DPP10: variants seen among roughly 807,000 people sequenced by gnomAD.
The protein encoded by DPP10 is inactive dipeptidyl peptidase 10.
A neutral mutation model predicts 120.9 loss-of-function variants in DPP10; 33 were observed. The observed-to-expected ratio is 0.27, with a 90% CI of 0.21 to 0.37. DPP10 has a LOEUF of 0.37. Ranked by LOEUF, DPP10 falls within the 10% of genes least tolerant of loss-of-function variation. The probability of loss-of-function intolerance (pLI) is 1.00; values close to 1 mark genes in which losing one functional copy is unlikely to be tolerated. For synonymous variants in DPP10, 337 were observed against 326.1 expected, an observed-to-expected ratio of 1.03 and a Z score of -0.36; for missense variants, 816 against 942.8, an observed-to-expected ratio of 0.87 and a Z score of 1.76.
intron 1 of DPP10, among the ~76,000 whole-genome samples, chr2:114,691,543 C>T (rs1440196508): frequency 1.3e-5 from 2 of 152,098 alleles, no homozygotes; most frequent in African/African-American, 4.8e-5. Context: ...GGTTGTGTCT[C>T]TGCCAGGTTT....
At chr2:114,848,306 A>G (rs1188914609) in intron 1 of DPP10, among the ~76,000 whole-genome samples, 2 of 152,186 alleles carry the variant, frequency 1.3e-5, no homozygotes, top group Non-Finnish European at 2.9e-5. Context: ...AAAGCTAAGA[A>G]TATAATATAG....
At chr2:115,790,254 T>G (rs898062712) in intron 17 of DPP10, among the ~76,000 whole-genome samples, 2 of 151,404 alleles carry the variant, frequency 1.3e-5, no homozygotes, top group Non-Finnish European at 2.9e-5. Context: ...TAATTTTTTG[T>G]ATTTTTAGTA....
rs139334671 is a variant in DPP10, at chr2:115,647,227, G to A, written c.442-42460G>A. The stretch of plus-strand genomic sequence containing the variant: ...AGACCGGCTCCCTTTGGGTTTAACC[G>A]CTTTATCAAGTGCCGCTCTATACAT... On this transcript the variant is annotated intron_variant, in intron 5 of 25. Coordinates refer to ENST00000410059, the MANE Select transcript of DPP10 (RefSeq NM_020868.6). Among the ~76,000 whole-genome samples, 944 of 152,232 alleles carry A rather than the reference G, an allele frequency of 6.2e-3. 11 individuals are homozygous for A. Among genetic ancestry groups the A allele is most frequent in the African/African-American group, 0.022 (900 of 41,530 alleles).
At chr2:115,746,242 T>C in intron 10 of DPP10, 59 bp downstream of exon 10, 1 of 1,407,372 alleles carries the variant, frequency 7.1e-7, no homozygotes, top group Non-Finnish European at 1.0e-6. Flanking sequence ...CAATTATCAT[T>C]TTGTTGCAAT....
At chr2:115,777,859 TAC>T in intron 15 of DPP10, 25 bp downstream of exon 15, 3 of 1,607,656 alleles carry the variant, frequency 1.9e-6, no homozygotes, top group Non-Finnish European at 2.5e-6. Flanking sequence ...AGGATCTCCT[TAC>T]ACAGATTGGC....
intron 5 of DPP10, among the ~76,000 whole-genome samples, chr2:115,613,651 T>G (rs1056848887): frequency 2.0e-5 from 3 of 152,224 alleles, no homozygotes; most frequent in African/African-American, 7.2e-5. Flanking sequence ...TGCTGACAGG[T>G]TGAACAAATA....
At position 114,849,763 on chromosome 2, in the gene DPP10, C is replaced by G. The variant is rs537521435; in HGVS notation, c.60+406925C>G. ...ACAGGTAAATACTATTTCCTAATAG[C>G]AACAGCCAAGAGATGGTTCAGGAAC... is the stretch of plus-strand genomic sequence containing the variant. On this transcript the variant is annotated intron_variant, in intron 1 of 25. Transcript: ENST00000410059. Among the ~76,000 whole-genome samples the G allele has an allele frequency of 8.5e-5, 13 of 152,240 alleles. No homozygotes were observed. The South Asian group carries it at 2.3e-3, about 27-fold the overall frequency.
At chr2:115,366,408 T>G (rs1182620874) in intron 3 of DPP10, among the ~76,000 whole-genome samples, 1 of 152,104 alleles carries the variant, frequency 6.6e-6, no homozygotes. Context: ...CTTCTTTACT[T>G]TATTATATAG....
intron 3 of DPP10, among the ~76,000 whole-genome samples, chr2:115,346,481 T>A (rs549096368): frequency 2.0e-5 from 3 of 152,136 alleles, no homozygotes; most frequent in Non-Finnish European, 4.4e-5. Context: ...TTCATTATGC[T>A]TGGTCTCAAA....
intron 2 of DPP10, 86 bp from the exon 3 acceptor site, chr2:115,343,731 G>C (rs2063561602): frequency 1.2e-6 from 1 of 846,504 alleles, no homozygotes; most frequent in Non-Finnish European, 1.9e-6. Context: ...ATATATTTTA[G>C]AGCAAATATT....
At chr2:115,498,561 CAGG>C (rs1487290590) in intron 3 of DPP10, among the ~76,000 whole-genome samples, 1 of 151,534 alleles carries the variant, frequency 6.6e-6, no homozygotes, top group African/African-American at 2.4e-5. Flanking sequence ...CTAGAATGAG[CAGG>C]AGATTAGGGA....
At chr2:114,760,326 C>G (rs929288985) in intron 1 of DPP10, among the ~76,000 whole-genome samples, 1 of 152,136 alleles carries the variant, frequency 6.6e-6, no homozygotes, top group Non-Finnish European at 1.5e-5. Flanking sequence ...CGTGCATCCC[C>G]CAGCCAATTA....
chr2:115,555,076 T>A (rs555032228), intron 5 of DPP10, among the ~76,000 whole-genome samples: 24 of 152,296 alleles, frequency 1.6e-4, no homozygotes, highest in African/African-American at 5.8e-4. Flanking sequence ...TATAGCCTGA[T>A]GTCAGGATCT....
At chr2:115,832,254 C>T (rs1475794966) in intron 21 of DPP10, among the ~76,000 whole-genome samples, 1 of 152,126 alleles carries the variant, frequency 6.6e-6, no homozygotes, top group Non-Finnish European at 1.5e-5. Flanking sequence ...TTTGGGAGGC[C>T]AAGGCGAGTG....
chr2:115,543,380 C>T (rs1412914359), intron 5 of DPP10, among the ~76,000 whole-genome samples: 2 of 152,014 alleles, frequency 1.3e-5, no homozygotes, highest in Admixed American at 6.6e-5. Context: ...TCAAAGTTGA[C>T]GATGTTAATC....
intron 1 of DPP10, among the ~76,000 whole-genome samples, chr2:115,011,304 T>C (rs2105090215): frequency 6.6e-6 from 1 of 152,320 alleles, no homozygotes; most frequent in Non-Finnish European, 1.5e-5. Context: ...GTGGATTATG[T>C]TGTCGTTTAC....
rs559840519 is a variant in DPP10 at position 114,485,854 on chromosome 2, A to G, written c.60+43016A>G. Among the ~76,000 whole-genome samples, 110 of 152,236 alleles carry G rather than the reference A, an allele frequency of 7.2e-4. 3 individuals carry two copies. In the South Asian group the frequency reaches 0.022, roughly 30 times the overall value. ...ATCTGAACTTCCACCAAGGGAAAGC[A>G]TATATACCCTAGGATTAGAGATGGG... is the stretch of plus-strand genomic sequence containing the variant. On this transcript the variant is annotated intron_variant, in intron 1 of 25. Coordinates refer to ENST00000410059, the MANE Select transcript of DPP10 (RefSeq NM_020868.6).
At chr2:115,070,568 C>T (rs1459120978) in intron 1 of DPP10, among the ~76,000 whole-genome samples, 1 of 152,062 alleles carries the variant, frequency 6.6e-6, no homozygotes, top group Non-Finnish European at 1.5e-5. Flanking sequence ...TGTTAACTGT[C>T]ATTGATCAGA....
At chr2:115,541,998 G>A (rs1157958091) in intron 5 of DPP10, among the ~76,000 whole-genome samples, 2 of 151,908 alleles carry the variant, frequency 1.3e-5, no homozygotes, top group African/African-American at 4.8e-5. Context: ...AATCCCCCCA[G>A]TGGTGACATC....
Sources: allele counts gnomAD v4.1 joint callset (sites outside exome capture counted in the v4.1 genomes callset), GRCh38; gene constraint gnomAD v4.1.1; transcripts MANE v1.5; gene names NCBI Gene and HGNC (gene_info 2026-07-23, HGNC 2026-07-21).